The following SLC13A1 variants were observed in gnomAD, a reference collection of about 807,000 sequenced individuals.
The protein encoded by SLC13A1 is Na(+)/sulfate cotransporter.
In SLC13A1, 65 loss-of-function variants were observed where a neutral mutation model predicts 70.0. The ratio of observed to expected loss-of-function variants is 0.93; its 90% confidence interval spans 0.76 to 1.14. The LOEUF is 1.14. Among genes scored for constraint, SLC13A1 ranks in the 50% most tolerant of loss-of-function variants. SLC13A1 has a pLI of 0.00. For synonymous variants in SLC13A1, 275 were observed against 250.5 expected, an observed-to-expected ratio of 1.10 and a Z score of -0.92; for missense variants, 726 against 717.8, an observed-to-expected ratio of 1.01 and a Z score of -0.13.
At chr7:123,158,110 G>T (rs561194322) in intron 6 of SLC13A1, among the ~76,000 whole-genome samples, 1 of 152,018 alleles carries the variant, frequency 6.6e-6, no homozygotes, top group South Asian at 2.1e-4. Flanking sequence ...ATGTTTAAAA[G>T]TACTGAACAT....
chr7:123,182,489 C>T (rs1795670694), intron 1 of SLC13A1, among the ~76,000 whole-genome samples: 2 of 152,130 alleles, frequency 1.3e-5, no homozygotes, highest in Admixed American at 1.3e-4. Context: ...TCCTCCACTG[C>T]AGGCAAGACT....
intron 8 of SLC13A1, among the ~76,000 whole-genome samples, chr7:123,130,459 C>G (rs1329991366): frequency 6.6e-6 from 1 of 152,120 alleles, no homozygotes; most frequent in Non-Finnish European, 1.5e-5. Context: ...CAAACTAACA[C>G]AGTAACAGAA....
chr7:123,132,093 T>G (rs1290941526), intron 8 of SLC13A1, among the ~76,000 whole-genome samples: 1 of 152,170 alleles, frequency 6.6e-6, no homozygotes, highest in Non-Finnish European at 1.5e-5. Context: ...GGGCACTTAG[T>G]ATGCAGCTGG....
At chr7:123,196,779 A>C (rs1308539592) in intron 1 of SLC13A1, among the ~76,000 whole-genome samples, 5 of 152,176 alleles carry the variant, frequency 3.3e-5, no homozygotes, top group Non-Finnish European at 7.4e-5. Context: ...TTTCATGAAC[A>C]GAAATGCCTG....
chr7:123,184,126 T>A (rs1795724166), intron 1 of SLC13A1, among the ~76,000 whole-genome samples: 1 of 151,910 alleles, frequency 6.6e-6, no homozygotes, highest in African/African-American at 2.4e-5. Context: ...TGAATGCTAT[T>A]TTTTTATCCT....
chr7:123,130,672 C>A (rs1409486198), intron 8 of SLC13A1, among the ~76,000 whole-genome samples: 2 of 152,000 alleles, frequency 1.3e-5, no homozygotes, highest in Non-Finnish European at 2.9e-5. Context: ...ACACGTTTGC[C>A]TACATAACAA....
chr7:123,129,053 G>GT (rs1793662459), intron 9 of SLC13A1, 107 bp from the exon 10 acceptor site: 1 of 771,254 alleles, frequency 1.3e-6, no homozygotes, highest in Non-Finnish European at 2.2e-6. Flanking sequence ...ACTAAACACT[G>GT]TAAGAACTAG....
intron 1 of SLC13A1, among the ~76,000 whole-genome samples, chr7:123,183,940 T>TG (rs564021373): frequency 3.0e-4 from 45 of 152,268 alleles, no homozygotes; most frequent in Middle Eastern, 3.4e-3. Context: ...AACACACATG[T>TG]GCATTTTGTA....
At chr7:123,192,540 G>C (rs1796028153) in intron 1 of SLC13A1, among the ~76,000 whole-genome samples, 1 of 152,054 alleles carries the variant, frequency 6.6e-6, no homozygotes, top group Non-Finnish European at 1.5e-5. Flanking sequence ...GGAGTAATTT[G>C]GCTGATGAAT....
intron 2 of SLC13A1, among the ~76,000 whole-genome samples, chr7:123,179,515 C>T (rs938174081): frequency 2.0e-5 from 3 of 152,236 alleles, no homozygotes; most frequent in Non-Finnish European, 4.4e-5. Context: ...CAGGTGTCTG[C>T]AGTCACAGTG....
At chr7:123,149,756 C>T (rs917269953) in intron 6 of SLC13A1, 3 of 397,224 alleles carry the variant, frequency 7.6e-6, no homozygotes, top group Admixed American at 5.8e-5. Context: ...TCCAACTTTG[C>T]TGTTGAATTA....
At chr7:123,171,171 T>C (rs1412826049) in intron 3 of SLC13A1, among the ~76,000 whole-genome samples, 2 of 152,210 alleles carry the variant, frequency 1.3e-5, no homozygotes, top group Non-Finnish European at 2.9e-5. Context: ...TTCATGTTCT[T>C]AGCAAGAAGT....
intron 3 of SLC13A1, among the ~76,000 whole-genome samples, chr7:123,170,769 C>T (rs1209941087): frequency 6.6e-6 from 1 of 152,062 alleles, no homozygotes; most frequent in Non-Finnish European, 1.5e-5. Flanking sequence ...GCTGGGATTA[C>T]AGGTGCCTGT....
chr7:123,123,200 C>A lies in SLC13A1; in HGVS notation c.1276G>T (p.Glu426Ter). The change falls in exon 12 of 15, where the codon GAA becomes TAA. Residue 426 changes from glutamate to a stop codon, truncating the protein, a stop_gained. Coordinates refer to ENST00000194130, the MANE Select transcript of SLC13A1 (RefSeq NM_022444.4). LOFTEE classifies it high-confidence loss of function. ...FDYSPLITWK[E>*]FQSFMPWDIA... is the part of the protein sequence containing the mutation. ...TCCCAGGGCATGAATGACTGGAATTCTTTCCAAGTAATCAGTGGAGAGTAA... is the reference window on the plus strand; with the variant it reads ...TCCCAGGGCATGAATGACTGGAATTATTTCCAAGTAATCAGTGGAGAGTAA... The A allele has an allele frequency of 6.2e-7, 1 of 1,613,492 alleles. No individual in the cohort carries two copies.
intron 1 of SLC13A1, among the ~76,000 whole-genome samples, chr7:123,196,918 T>C (rs1017066321): frequency 3.3e-5 from 5 of 152,166 alleles, no homozygotes; most frequent in African/African-American, 1.2e-4. Flanking sequence ...ATTTACTTTC[T>C]AGAGCATGTA....
At chr7:123,149,195 G>A (rs148495173) in intron 6 of SLC13A1, among the ~76,000 whole-genome samples, 1 of 152,144 alleles carries the variant, frequency 6.6e-6, no homozygotes, top group Non-Finnish European at 1.5e-5. Context: ...GGAGGAAGTT[G>A]CCTTTCAAAT....
chr7:123,146,525 ATAAG>A (rs1173916502), intron 7 of SLC13A1, among the ~76,000 whole-genome samples: 1 of 152,206 alleles, frequency 6.6e-6, no homozygotes, highest in Non-Finnish European at 1.5e-5. Context: ...AGAAAAATAA[ATAAG>A]TAAGTAAAAT....
rs368220262 is a variant in SLC13A1, at chr7:123,119,917, T to C, written c.1351-675A>G. 5.9e-5 allele frequency among the ~76,000 whole-genome samples: 9 copies of C among 152,104 alleles called. 2 individuals are homozygous for C. The highest frequency in any genetic ancestry group is 6.6e-5 in the Admixed American group (1 of 15,246). On this transcript the variant is annotated intron_variant, in intron 12 of 14. Coordinates refer to ENST00000194130, the MANE Select transcript of SLC13A1 (RefSeq NM_022444.4). ...CACCACTTAGCATACTATCAGTGCGTTTACTCTCCCTTCCCCACAAGGAAT... is the reference window on the plus strand; with the variant it reads ...CACCACTTAGCATACTATCAGTGCGCTTACTCTCCCTTCCCCACAAGGAAT...
chr7:123,157,552 AC>A (rs1794753662), intron 6 of SLC13A1, among the ~76,000 whole-genome samples: 1 of 151,994 alleles, frequency 6.6e-6, no homozygotes, highest in Non-Finnish European at 1.5e-5. Flanking sequence ...CTTCCCTTAT[AC>A]TTTCTTAGGA....
Sources: gnomAD v4.1 joint callset for allele counts (sites outside exome capture counted in the v4.1 genomes callset) on GRCh38, gnomAD v4.1.1 for gene constraint, MANE v1.5 for transcripts, NCBI Gene and HGNC (gene_info 2026-07-23, HGNC 2026-07-21) for gene names.